CELF4: variants seen among roughly 807,000 people sequenced by gnomAD.
CELF4 encodes CUG-BP- and ETR-3-like factor 4.
CELF4 carries 18 observed loss-of-function variants against 59.9 expected under a neutral mutation model. That is an observed-to-expected ratio of 0.30 (90% CI 0.21 to 0.45). The LOEUF is 0.45. CELF4 is among the 20% of genes least tolerant of loss of function. The pLI is 1.00. For missense variants in CELF4, 456 were observed against 689.0 expected, an observed-to-expected ratio of 0.66 and a Z score of 3.79; for synonymous variants, 261 against 267.1, an observed-to-expected ratio of 0.98 and a Z score of 0.22.
intron 2 of CELF4, among the ~76,000 whole-genome samples, chr18:37,407,133 T>G (rs181246501): frequency 6.6e-6 from 1 of 152,318 alleles, no homozygotes; most frequent in Admixed American, 6.5e-5. Context: ...TGTGCCTCAC[T>G]TTCCTCCCTT....
intron 1 of CELF4, among the ~76,000 whole-genome samples, chr18:37,526,674 G>A (rs2099964174): frequency 6.6e-6 from 1 of 152,346 alleles, no homozygotes; most frequent in African/African-American, 2.4e-5. Flanking sequence ...TCAGGATCAT[G>A]TTAGGTTTAA....
In CELF4 at chr18:37,270,761, T is replaced by C; in HGVS notation, c.1099+7A>G. 1 of 1,613,920 alleles carries C rather than the reference T, an allele frequency of 6.2e-7. No individual in the cohort carries two copies. The highest frequency in any genetic ancestry group is 8.5e-7 in the Non-Finnish European group (1 of 1,179,966). ...ATACGGAAATAAGTGCTGACAGATGTGCTTACCTGGGTAGGGGTGGATGCC... is the reference window on the plus strand; with the variant it reads ...ATACGGAAATAAGTGCTGACAGATGCGCTTACCTGGGTAGGGGTGGATGCC... On this transcript the variant is annotated splice_region_variant and intron_variant, in intron 8 of 12. Transcript: ENST00000420428.
chr18:37,274,249 G>T (rs1205616507), intron 6 of CELF4, 62 bp downstream of exon 6: 1 of 1,590,854 alleles, frequency 6.3e-7, no homozygotes, highest in Non-Finnish European at 8.5e-7. Flanking sequence ...TTCATGTCCC[G>T]CTCTCTGAGG....
At chr18:37,519,884 C>A (rs1449947794) in intron 1 of CELF4, among the ~76,000 whole-genome samples, 1 of 152,190 alleles carries the variant, frequency 6.6e-6, no homozygotes, top group Non-Finnish European at 1.5e-5. Context: ...GGGGCCTGAG[C>A]CAGGAAAAGG....
intron 1 of CELF4, among the ~76,000 whole-genome samples, chr18:37,542,047 A>G (rs1603643760): frequency 1.3e-5 from 2 of 152,252 alleles, no homozygotes; most frequent in Admixed American, 1.3e-4. Flanking sequence ...GTGGGTGATC[A>G]GTAACTGTTT....
chr18:37,529,424 C>T (rs986294295), intron 1 of CELF4, among the ~76,000 whole-genome samples: 6 of 152,162 alleles, frequency 3.9e-5, no homozygotes, highest in Admixed American at 6.5e-5. Context: ...AGGTCTGGCG[C>T]GACGTAGCAT....
chr18:37,528,364 A>G (rs2099966031), intron 1 of CELF4, among the ~76,000 whole-genome samples: 1 of 152,176 alleles, frequency 6.6e-6, no homozygotes, highest in Non-Finnish European at 1.5e-5. Context: ...GTGGATGCTC[A>G]CGGAGATATT....
At chr18:37,274,582 C>T (rs1369819624) in intron 5 of CELF4, 128 bp from the exon 6 acceptor site, 7 of 1,576,848 alleles carry the variant, frequency 4.4e-6, no homozygotes, top group Non-Finnish European at 6.0e-6. Flanking sequence ...TCGGCGCTCG[C>T]CCAGGGGAAT....
intron 2 of CELF4, among the ~76,000 whole-genome samples, chr18:37,433,347 C>T (rs2099676814): frequency 6.6e-6 from 1 of 152,136 alleles, no homozygotes; most frequent in Non-Finnish European, 1.5e-5. Flanking sequence ...CCTGATGTCC[C>T]ATGCCCTGCT....
intron 9 of CELF4, among the ~76,000 whole-genome samples, chr18:37,265,452 C>T (rs2077083046): frequency 6.6e-6 from 1 of 152,216 alleles, no homozygotes; most frequent in Non-Finnish European, 1.5e-5. Flanking sequence ...TTTCCCACTT[C>T]TCTGAGCCAC....
chr18:37,349,592 G>C (rs919284668), intron 2 of CELF4, among the ~76,000 whole-genome samples: 1 of 152,200 alleles, frequency 6.6e-6, no homozygotes, highest in African/African-American at 2.4e-5. Flanking sequence ...AGGACAGGCA[G>C]CCCCTGTGCC....
At chr18:37,556,372 C>A (rs577983924) in intron 1 of CELF4, among the ~76,000 whole-genome samples, 8 of 152,358 alleles carry the variant, frequency 5.3e-5, no homozygotes, top group Non-Finnish European at 8.8e-5. Context: ...GGGAAGTTTA[C>A]TGAGCTCAGG....
intron 3 of CELF4, among the ~76,000 whole-genome samples, chr18:37,294,821 T>G (rs2095547286): frequency 6.6e-6 from 1 of 152,238 alleles, no homozygotes; most frequent in Non-Finnish European, 1.5e-5. Flanking sequence ...GGGCCAGATT[T>G]GATCTCCTTG....
chr18:37,524,491 G>C (rs990377284), intron 1 of CELF4, among the ~76,000 whole-genome samples: 1 of 152,042 alleles, frequency 6.6e-6, no homozygotes, highest in Non-Finnish European at 1.5e-5. Flanking sequence ...CCACCTCCCC[G>C]CTTTTTTTAT....
At chr18:37,492,575 T>C (rs539294370) in intron 1 of CELF4, among the ~76,000 whole-genome samples, 1 of 152,240 alleles carries the variant, frequency 6.6e-6, no homozygotes, top group Non-Finnish European at 1.5e-5. Flanking sequence ...CTGGTACCTT[T>C]TGAAGCAGAT....
At chr18:37,389,985 C>T (rs2099140896) in intron 2 of CELF4, among the ~76,000 whole-genome samples, 1 of 152,222 alleles carries the variant, frequency 6.6e-6, no homozygotes, top group Non-Finnish European at 1.5e-5. Flanking sequence ...TATTCTGGGG[C>T]TCCAGGCTTG....
chr18:37,300,548 C>G (rs1307445099), intron 3 of CELF4, among the ~76,000 whole-genome samples: 1 of 152,134 alleles, frequency 6.6e-6, no homozygotes, highest in Admixed American at 6.5e-5. Flanking sequence ...TATGGCACTG[C>G]CCTGTGGGTC....
At chr18:37,408,187 C>G (rs2099403132) in intron 2 of CELF4, among the ~76,000 whole-genome samples, 1 of 152,162 alleles carries the variant, frequency 6.6e-6, no homozygotes, top group South Asian at 2.1e-4. Flanking sequence ...TGCTCTTAGA[C>G]TGATGGGCTG....
chr18:37,302,455 T>C (rs749890720), intron 3 of CELF4, among the ~76,000 whole-genome samples: 12 of 152,166 alleles, frequency 7.9e-5, no homozygotes, highest in Non-Finnish European at 1.2e-4. Context: ...GCCAGCAACA[T>C]GGCCCCTGGG....
Sources: allele counts gnomAD v4.1 joint callset (sites outside exome capture counted in the v4.1 genomes callset), GRCh38; gene constraint gnomAD v4.1.1; transcripts MANE v1.5; gene names NCBI Gene and HGNC (gene_info 2026-07-23, HGNC 2026-07-21).